SV2B: variants seen among roughly 807,000 people sequenced by gnomAD.
SV2B encodes synaptic vesicle glycoprotein 2B.
SV2B carries 41 observed loss-of-function variants against 73.9 expected under a neutral mutation model. The ratio of observed to expected loss-of-function variants is 0.56; its 90% CI spans 0.43 to 0.72. The LOEUF is 0.72. Ranked by LOEUF, SV2B falls within the 30% of genes least tolerant of loss-of-function variation. SV2B has a pLI of 0.00. For synonymous variants in SV2B, 314 were observed against 314.2 expected (o/e 1.00, Z 0.01); for missense variants, 764 against 857.8 (o/e 0.89, Z 1.37).
chr15:91,209,107 GTTTTTTGTTTTTTTTTTT>G (rs1596587616), intron 1 of SV2B, among the ~76,000 whole-genome samples: 1 of 121,954 alleles, frequency 8.2e-6, no homozygotes, highest in African/African-American at 3.7e-5. Context: ...TGGCAGTACT[GTTTTTTGTTTTTTTTTTT>G]TTTTTTTTTT....
chr15:91,102,996 C>T (rs763551802), intron 1 of SV2B, among the ~76,000 whole-genome samples: 5 of 152,122 alleles, frequency 3.3e-5, no homozygotes, highest in African/African-American at 4.8e-5. Context: ...GTCAGACACC[C>T]GGGACAGCAG....
chr15:91,252,581 A>G lies in SV2B; in HGVS notation c.784+61A>G, dbSNP rs80324630. The G allele has an allele frequency of 0.011, 16,603 of 1,502,952 alleles. 431 individuals are homozygous for G. Among genetic ancestry groups the G allele is most frequent in the East Asian group, 0.082 (3,520 of 42,784 alleles). 93.1% of individuals were successfully genotyped at this position (1,502,952 alleles called of 1,614,324 possible). A position where few individuals can be genotyped will look rare whatever the true frequency, so the allele number is the denominator to read the frequency against. ...TTTCTATGGCTCCTGCACCCAAACA[A>G]TAGTTCCTGTCCTCAGCCTTATTCC... On this transcript the variant is annotated intron_variant, in intron 4 of 12. Coordinates refer to ENST00000394232, the MANE Select transcript of SV2B (RefSeq NM_001323032.3). This position sits in a 1 kb window ranked among gnomAD's most constrained non-coding sequence, Gnocchi z 4.6.
rs372420934 is a variant in SV2B, at chr15:91,216,465, CT to C, written c.-391-9398del. On this transcript the variant is annotated intron_variant, in intron 1 of 12. Coordinates refer to ENST00000394232, the MANE Select transcript of SV2B (RefSeq NM_001323032.3). Reference sequence around the variant, plus strand: ...TTAACTTGTACATTTTCTTTCTTTTCTTTTTTTTTTGTTTTTTTGTTTTTTG... The same window carrying C: ...TTAACTTGTACATTTTCTTTCTTTTCTTTTTTTTTGTTTTTTTGTTTTTTG... 1.2e-3 allele frequency among the ~76,000 whole-genome samples: 181 copies of C among 147,442 alleles called. 2 individuals are homozygous for C. Among genetic ancestry groups the C allele is most frequent in the African/African-American group, 4.3e-3 (171 of 39,950 alleles).
At chr15:91,262,251 C>CA (rs1273477848) in intron 6 of SV2B, among the ~76,000 whole-genome samples, 2 of 151,758 alleles carry the variant, frequency 1.3e-5, no homozygotes. Flanking sequence ...AGTAAAACAC[C>CA]AAAAAACAAA....
At chr15:91,164,516 G>A (rs1160497185) in intron 1 of SV2B, among the ~76,000 whole-genome samples, 4 of 152,166 alleles carry the variant, frequency 2.6e-5, no homozygotes, top group Non-Finnish European at 4.4e-5. Context: ...AAGAGTTTAT[G>A]TAATTGTCTC....
In SV2B at chr15:91,106,204, A is replaced by G. The variant is rs563981980; in HGVS notation, c.-392+5841A>G. On this transcript the variant is annotated intron_variant, in intron 1 of 12. Coordinates refer to ENST00000394232, the MANE Select transcript of SV2B (RefSeq NM_001323032.3). The surrounding 1 kb of genome is among the most constrained non-coding windows in gnomAD (Gnocchi z 4.4). Reference sequence around the variant, plus strand: ...ATGGAGTAGCACTTTAGTGAGGTGGAGAGGAAACAGTGATGGGGTTTAATT... The same window carrying G: ...ATGGAGTAGCACTTTAGTGAGGTGGGGAGGAAACAGTGATGGGGTTTAATT... Among the ~76,000 whole-genome samples, 3 of 152,192 alleles carry G rather than the reference A, an allele frequency of 2.0e-5. No homozygotes were observed. The highest frequency in any genetic ancestry group is 2.9e-5 in the Non-Finnish European group (2 of 68,038).
intron 1 of SV2B, among the ~76,000 whole-genome samples, chr15:91,163,166 A>G (rs564559189): frequency 6.6e-6 from 1 of 152,116 alleles, no homozygotes; most frequent in Admixed American, 6.5e-5. Flanking sequence ...TCTATCATTG[A>G]TGGACATTTT....
chr15:91,147,965 C>CCTTT (rs2043194835), intron 1 of SV2B, among the ~76,000 whole-genome samples: 3 of 39,260 alleles, frequency 7.6e-5, no homozygotes, highest in Admixed American at 4.5e-4. Flanking sequence ...CCCCCCCCAA[C>CCTTT]TTTTTTTTTT....
chr15:91,202,936 T>A (rs747145074), intron 1 of SV2B, among the ~76,000 whole-genome samples: 1 of 152,112 alleles, frequency 6.6e-6, no homozygotes, highest in Non-Finnish European at 1.5e-5. Flanking sequence ...TGACTACCAC[T>A]CACACTCCCA....
chr15:91,126,710 A>C (rs1158895374), intron 1 of SV2B, among the ~76,000 whole-genome samples: 2 of 152,246 alleles, frequency 1.3e-5, no homozygotes, highest in Non-Finnish European at 2.9e-5. Flanking sequence ...AATGTTTAAA[A>C]GTCAATCAAT....
In SV2B at chr15:91,106,214, G is replaced by A. The variant is rs772647514; in HGVS notation, c.-392+5851G>A. ...ACTTTAGTGAGGTGGAGAGGAAACAGTGATGGGGTTTAATTGGATATCCAA... is the reference window on the plus strand; with the variant it reads ...ACTTTAGTGAGGTGGAGAGGAAACAATGATGGGGTTTAATTGGATATCCAA... On this transcript the variant is annotated intron_variant, in intron 1 of 12. Transcript: ENST00000394232. The surrounding 1 kb of genome is among the most constrained non-coding windows in gnomAD (Gnocchi z 4.4). Among the ~76,000 whole-genome samples, 25 of 152,202 alleles carry A rather than the reference G, an allele frequency of 1.6e-4. No individual in the cohort carries two copies. The highest frequency in any genetic ancestry group is 3.7e-4 in the Non-Finnish European group (25 of 68,038).
rs796993215 is a variant in SV2B at position 91,295,103 on chromosome 15, C to T, written c.*2551C>T. On this transcript the variant is annotated 3_prime_UTR_variant, in exon 13 of 13. Coordinates refer to ENST00000394232, the MANE Select transcript of SV2B (RefSeq NM_001323032.3). ...TTCTACCCCAAGAGACTCCCGATGT[C>T]GGCTGTGGAGGGTTAAAGGGATGAG... 2 of 152,722 alleles carry T rather than the reference C, an allele frequency of 1.3e-5. No individual in the cohort carries two copies. Among genetic ancestry groups the T allele is most frequent in the South Asian group, 2.1e-4 (1 of 4,822 alleles). 9.5% of individuals were successfully genotyped at this position (152,722 alleles called of 1,614,324 possible).
chr15:91,146,019 C>T (rs1200783392), intron 1 of SV2B, among the ~76,000 whole-genome samples: 1 of 152,144 alleles, frequency 6.6e-6, no homozygotes, highest in African/African-American at 2.4e-5. Flanking sequence ...GCTTTTGTTG[C>T]CATTGCTTTT....
intron 2 of SV2B, among the ~76,000 whole-genome samples, chr15:91,230,811 A>G (rs1180007327): frequency 6.6e-6 from 1 of 152,248 alleles, no homozygotes; most frequent in Non-Finnish European, 1.5e-5. Flanking sequence ...GTGGAAATAG[A>G]GGTCACACAG....
At position 91,268,417 on chromosome 15, in the gene SV2B, A is replaced by G. The variant is rs2048178683; in HGVS notation, c.1209-24A>G. ...AAAGAATGAATCCTGTTGTTGTTGCAACCTTCTGCCTTCTCCACTCCAGTT... is the reference window on the plus strand; with the variant it reads ...AAAGAATGAATCCTGTTGTTGTTGCGACCTTCTGCCTTCTCCACTCCAGTT... On this transcript the variant is annotated intron_variant, in intron 8 of 12. Transcript: ENST00000394232. This position sits in a 1 kb window ranked among gnomAD's most constrained non-coding sequence, Gnocchi z 4.4. The G allele has an allele frequency of 6.3e-7, 1 of 1,599,006 alleles. No individual in the cohort carries two copies. The highest frequency in any genetic ancestry group is 1.3e-5 in the African/African-American group (1 of 74,694).
In SV2B at chr15:91,176,963, G is replaced by T. The variant is rs576344531; in HGVS notation, c.-391-48910G>T. Among the ~76,000 whole-genome samples, 15 of 152,230 alleles carry T rather than the reference G, an allele frequency of 9.9e-5. No individual in the cohort carries two copies. In the East Asian group the frequency reaches 2.9e-3, roughly 29 times the overall value. Reference sequence around the variant, plus strand: ...TTGGCATTTTAGACATGAAGTCCTTGCCCATGCCTACGTCCTGAATGGTAA... The same window carrying T: ...TTGGCATTTTAGACATGAAGTCCTTTCCCATGCCTACGTCCTGAATGGTAA... On this transcript the variant is annotated intron_variant, in intron 1 of 12. Coordinates refer to ENST00000394232, the MANE Select transcript of SV2B (RefSeq NM_001323032.3).
In SV2B at chr15:91,223,383, T is replaced by G. The variant is rs1379817287; in HGVS notation, c.-391-2490T>G. Among the ~76,000 whole-genome samples, 2 of 152,226 alleles carry G rather than the reference T, an allele frequency of 1.3e-5. No individual in the cohort carries two copies. Among genetic ancestry groups the G allele is most frequent in the East Asian group, 3.8e-4 (2 of 5,202 alleles). ...AACACTCACTGGACAGTGATTCCCC[T>G]TTACTCCACTGCACTTGACATTCAC... On this transcript the variant is annotated intron_variant, in intron 1 of 12. Transcript: ENST00000394232. This position sits in a 1 kb window ranked among gnomAD's most constrained non-coding sequence, Gnocchi z 4.6.
At chr15:91,146,179 C>A (rs975923992) in intron 1 of SV2B, among the ~76,000 whole-genome samples, 21 of 152,184 alleles carry the variant, frequency 1.4e-4, no homozygotes, top group Non-Finnish European at 1.9e-4. Context: ...AGGAAGGGAT[C>A]CAGTTTCAAT....
rs146459847 is a variant in SV2B at position 91,139,231 on chromosome 15, T to C, written c.-392+38868T>C. ...TTGGAGAACTGGGTAGGGGTATAGA[T>C]GATATGAGATTGGAATGAGTTGATA... On this transcript the variant is annotated intron_variant, in intron 1 of 12. Coordinates refer to ENST00000394232, the MANE Select transcript of SV2B (RefSeq NM_001323032.3). The surrounding 1 kb of genome is among the most constrained non-coding windows in gnomAD (Gnocchi z 5.2). Among the ~76,000 whole-genome samples the C allele has an allele frequency of 5.8e-3, 877 of 152,218 alleles. 15 individuals carry two copies. The highest frequency in any genetic ancestry group is 0.02 in the African/African-American group (844 of 41,510).
Sources: allele counts gnomAD v4.1 joint callset (sites outside exome capture counted in the v4.1 genomes callset), GRCh38; gene constraint gnomAD v4.1.1; non-coding constraint Gnocchi (gnomAD v3.1); transcripts MANE v1.5; gene names NCBI Gene and HGNC (gene_info 2026-07-23, HGNC 2026-07-21).